The following AMMECR1 variants were observed in gnomAD, a reference collection of about 807,000 sequenced individuals.
AMMECR1 encodes the protein AMMECR nuclear protein 1, also known as nuclear protein AMMECR1.
A neutral mutation model predicts 22.5 loss-of-function variants in AMMECR1; 3 were observed. The observed-to-expected ratio is 0.13, with a 90% CI of 0.06 to 0.35. The LOEUF (loss-of-function observed/expected upper bound fraction) is 0.35, where lower values mean the gene tolerates loss of function less well. AMMECR1 is among the 10% of genes least tolerant of loss of function. The pLI is 1.00. For synonymous variants in AMMECR1, 130 were observed against 116.7 expected (o/e 1.11, Z -0.74); for missense variants, 235 against 278.7 (o/e 0.84, Z 1.12).
intron 2 of AMMECR1, among the ~76,000 whole-genome samples, chrX:110,413,301 C>T (rs1030410663): frequency 1.8e-5 from 2 of 111,485 alleles, no homozygotes; most frequent in Non-Finnish European, 3.8e-5. Context: ...CGGCGGATCT[C>T]ACGGCTTTGC....
chrX:110,317,974 C>T lies in AMMECR1; in HGVS notation c.98G>A (p.Cys33Tyr), dbSNP rs752388904. The T allele has an allele frequency of 5.0e-6, 6 of 1,200,802 alleles. No homozygotes were observed. Among genetic ancestry groups the T allele is most frequent in the Non-Finnish European group, 6.7e-6 (6 of 890,350 alleles). The change falls in exon 1 of 6, where the codon TGC (cysteine) becomes TAC (tyrosine). Residue 33 changes from cysteine to tyrosine, a missense_variant. Around this residue, in one of 2 missense-constraint regions of AMMECR1, gnomAD observed 124 missense variants for 97.0 expected, o/e 1.28. Transcript: ENST00000262844. ...AGCTCGGCACTGGCTCTCTCCGCTG[C>T]AGTGGGAGGAGGAGGAGGCGCCACC... ...GGGGASSSSH[C>Y]SGESQCRAGE...
At chrX:110,258,860 T>C (rs2067724004) in intron 2 of AMMECR1, among the ~76,000 whole-genome samples, 1 of 111,521 alleles carries the variant, frequency 9.0e-6, no homozygotes, top group African/African-American at 3.3e-5. Flanking sequence ...TTGTTTAATC[T>C]AAGTGTTCAC....
chrX:110,302,639 G>A (rs752020617), intron 1 of AMMECR1, among the ~76,000 whole-genome samples: 2 of 111,203 alleles, frequency 1.8e-5, no homozygotes, highest in African/African-American at 3.3e-5. Flanking sequence ...TTGGGAGGCC[G>A]AAGTGGGTGG....
At chrX:110,376,032 G>T (rs936574110) in intron 2 of AMMECR1, among the ~76,000 whole-genome samples, 6 of 111,571 alleles carry the variant, frequency 5.4e-5, no homozygotes, top group African/African-American at 2.0e-4. Flanking sequence ...TCATTTTAGT[G>T]ATGTGGAAAC....
At chrX:110,285,251 C>T (rs749849380) in intron 1 of AMMECR1, among the ~76,000 whole-genome samples, 15 of 111,915 alleles carry the variant, frequency 1.3e-4, no homozygotes, top group Non-Finnish European at 2.4e-4. Context: ...GGACCAGCAA[C>T]GTTGGCATCA....
At chrX:110,296,329 T>G (rs760020218) in intron 1 of AMMECR1, among the ~76,000 whole-genome samples, 1 of 112,242 alleles carries the variant, frequency 8.9e-6, no homozygotes, top group Non-Finnish European at 1.9e-5. Flanking sequence ...TTAAGATTCT[T>G]TTTGTCTCTC....
At chrX:110,415,444 G>T in intron 2 of AMMECR1, among the ~76,000 whole-genome samples, 1 of 111,837 alleles carries the variant, frequency 8.9e-6, no homozygotes, top group East Asian at 2.8e-4. Context: ...TTTTCAAAAT[G>T]TTCTTTAGTG....
intron 2 of AMMECR1, 56 bp downstream of exon 2, chrX:110,264,433 T>C (rs936861097): frequency 1.5e-5 from 10 of 676,101 alleles, no homozygotes; most frequent in African/African-American, 1.3e-4. Flanking sequence ...CAGATTCAAG[T>C]TTCATAAGTT....
rs776640505 is a variant in AMMECR1, at chrX:110,245,231, G to A, written c.584+19258C>T. ...CTGACAAAATCACAACTTGGAAGTG[G>A]CCTGACTACTGGCAATTGTTAAGCA... On this transcript the variant is annotated intron_variant, in intron 2 of 5. Transcript: ENST00000262844. Among the ~76,000 whole-genome samples, 3 of 111,862 alleles carry A rather than the reference G, an allele frequency of 2.7e-5. No homozygotes were observed. The East Asian group carries it at 8.4e-4, about 31-fold the overall frequency.
intron 2 of AMMECR1, among the ~76,000 whole-genome samples, chrX:110,261,503 C>CA (rs1454481404): frequency 3.2e-4 from 35 of 110,224 alleles, no homozygotes; most frequent in African/African-American, 9.6e-4. Context: ...TTTTTATGTT[C>CA]AAAAAAAATT....
intron 2 of AMMECR1, among the ~76,000 whole-genome samples, chrX:110,396,657 G>A (rs761099975): frequency 4.7e-4 from 53 of 112,224 alleles, no homozygotes; most frequent in African/African-American, 1.7e-3. Flanking sequence ...CCCTCTCCCT[G>A]TTTTACAAAG....
At chrX:110,285,198 A>G (rs1034329035) in intron 1 of AMMECR1, among the ~76,000 whole-genome samples, 1 of 112,354 alleles carries the variant, frequency 8.9e-6, no homozygotes, top group Non-Finnish European at 1.9e-5. Context: ...TTTGCTGAAT[A>G]AAAAATAATT....
chrX:110,405,088 TCCCC>T (rs35297150), intron 2 of AMMECR1, among the ~76,000 whole-genome samples: 12 of 74,093 alleles, frequency 1.6e-4, no homozygotes, highest in African/African-American at 5.7e-4. Context: ...GCTTGTTGTG[TCCCC>T]CCCCCCCCCA....
intron 1 of AMMECR1, among the ~76,000 whole-genome samples, chrX:110,275,275 T>C (rs1019802615): frequency 6.3e-5 from 7 of 111,717 alleles, no homozygotes; most frequent in African/African-American, 2.3e-4. Flanking sequence ...GATAATTCTT[T>C]TCATTTTTGT....
intron 2 of AMMECR1, among the ~76,000 whole-genome samples, chrX:110,341,377 A>C (rs2068163355): frequency 8.9e-6 from 1 of 112,762 alleles, no homozygotes; most frequent in Non-Finnish European, 1.9e-5. Context: ...TTACTCAAAT[A>C]TATAGTAATC....
chrX:110,292,685 G>T (rs1193199195), intron 1 of AMMECR1, among the ~76,000 whole-genome samples: 1 of 112,380 alleles, frequency 8.9e-6, no homozygotes, highest in Non-Finnish European at 1.9e-5. Flanking sequence ...CAGTAAAAAG[G>T]TAAGTGTTAG....
intron 2 of AMMECR1, among the ~76,000 whole-genome samples, chrX:110,252,946 G>A (rs900393625): frequency 6.2e-5 from 7 of 112,197 alleles, no homozygotes; most frequent in Admixed American, 2.8e-4. Context: ...TTTTACATAC[G>A]TGTCAATGAT....
chrX:110,423,105 A>G (rs1310168952), intron 2 of AMMECR1, among the ~76,000 whole-genome samples: 3 of 111,954 alleles, frequency 2.7e-5, no homozygotes, highest in African/African-American at 9.7e-5. Flanking sequence ...AGGCAGGCGG[A>G]TCACCTGAGG....
chrX:110,220,144 C>T (rs1022484322), intron 2 of AMMECR1, among the ~76,000 whole-genome samples: 1 of 112,014 alleles, frequency 8.9e-6, no homozygotes, highest in Non-Finnish European at 1.9e-5. Context: ...CAGTGACTTA[C>T]TCAAGGTGAC....
Sources: allele counts gnomAD v4.1 joint callset (sites outside exome capture counted in the v4.1 genomes callset), GRCh38; gene constraint gnomAD v4.1.1; regional missense constraint gnomAD v4.1.1; transcripts MANE v1.5; gene names NCBI Gene and HGNC (gene_info 2026-07-23, HGNC 2026-07-21).